ARMH3: variants seen among roughly 807,000 people sequenced by gnomAD.
The protein encoded by ARMH3 is armadillo like helical domain containing 3.
A neutral mutation model predicts 99.1 loss-of-function variants in ARMH3; 60 were observed. That is an observed-to-expected ratio of 0.61 (90% CI 0.49 to 0.75). The LOEUF is 0.75. Among genes scored for constraint, ARMH3 ranks in the 30% least tolerant of loss-of-function variants. The probability of loss-of-function intolerance (pLI) is 0.00; values close to 1 mark genes in which losing one functional copy is unlikely to be tolerated. For synonymous variants in ARMH3, 285 were observed against 292.8 expected (o/e 0.97, Z 0.27); for missense variants, 679 against 843.1 (o/e 0.81, Z 2.41).
chr10:101,875,952 T>C (rs1257539363), intron 24 of ARMH3, among the ~76,000 whole-genome samples: 1 of 152,120 alleles, frequency 6.6e-6, no homozygotes, highest in Non-Finnish European at 1.5e-5. Flanking sequence ...AATATCACAT[T>C]AGAACTTCTC....
intron 22 of ARMH3, among the ~76,000 whole-genome samples, chr10:101,954,238 A>C (rs1193502797): frequency 6.6e-6 from 1 of 152,238 alleles, no homozygotes; most frequent in East Asian, 1.9e-4. Flanking sequence ...ATAAGGTACA[A>C]GAATGTTAAC....
chr10:101,919,300 T>G (rs978688264), intron 23 of ARMH3, among the ~76,000 whole-genome samples: 2 of 152,156 alleles, frequency 1.3e-5, no homozygotes, highest in Non-Finnish European at 2.9e-5. Flanking sequence ...CTCACCAGTT[T>G]GAAGAACACC....
intron 15 of ARMH3, among the ~76,000 whole-genome samples, chr10:101,995,838 G>A (rs746939752): frequency 3.3e-5 from 5 of 152,298 alleles, no homozygotes; most frequent in South Asian, 4.1e-4. Context: ...TCCAGCCCAC[G>A]CTTCTCCTTG....
chr10:101,879,346 T>C (rs2067351947), intron 24 of ARMH3, among the ~76,000 whole-genome samples: 1 of 151,718 alleles, frequency 6.6e-6, no homozygotes, highest in Non-Finnish European at 1.5e-5. Flanking sequence ...CCAAATAATT[T>C]ACATAAGAAT....
intron 23 of ARMH3, among the ~76,000 whole-genome samples, chr10:101,930,815 G>T (rs1843692941): frequency 6.6e-6 from 1 of 152,026 alleles, no homozygotes; most frequent in South Asian, 2.1e-4. Context: ...TGCACAATCA[G>T]GACAACAAAT....
intron 19 of ARMH3, among the ~76,000 whole-genome samples, chr10:101,985,874 C>T (rs1590135824): frequency 6.6e-6 from 1 of 151,712 alleles, no homozygotes; most frequent in African/African-American, 2.4e-5. Flanking sequence ...AAAAATTAGC[C>T]GGGTGTGGTG....
At chr10:102,008,697 C>A (rs1039829518) in intron 13 of ARMH3, among the ~76,000 whole-genome samples, 6 of 151,916 alleles carry the variant, frequency 3.9e-5, no homozygotes, top group African/African-American at 1.4e-4. Flanking sequence ...GGACTACAGG[C>A]GTCCGCCACC....
At chr10:101,966,421 C>A (rs1005228949) in intron 20 of ARMH3, among the ~76,000 whole-genome samples, 1 of 150,730 alleles carries the variant, frequency 6.6e-6, no homozygotes, top group African/African-American at 2.4e-5. Flanking sequence ...GGATTACAGG[C>A]GCCCGCCACC....
At chr10:102,026,781 T>C (rs1001052828) in intron 5 of ARMH3, among the ~76,000 whole-genome samples, 7 of 152,208 alleles carry the variant, frequency 4.6e-5, no homozygotes, top group African/African-American at 1.4e-4. Flanking sequence ...AGGAAAGATG[T>C]ACACACTAGC....
chr10:101,939,507 T>C (rs1844140209), intron 23 of ARMH3, among the ~76,000 whole-genome samples: 1 of 152,124 alleles, frequency 6.6e-6, no homozygotes, highest in African/African-American at 2.4e-5. Flanking sequence ...ACATTCTAGA[T>C]CTCCATGAAT....
In ARMH3 at chr10:102,000,587, C is replaced by T. The variant is rs183814537; in HGVS notation, c.1150+1384G>A. Among the ~76,000 whole-genome samples, 835 of 113,410 alleles carry T rather than the reference C, an allele frequency of 7.4e-3. 44 individuals carry two copies. Among genetic ancestry groups the T allele is most frequent in the Non-Finnish European group, 0.013 (673 of 52,264 alleles). The allele number at this position is 113,410 out of a possible 152,430, so 74.4% of individuals were successfully genotyped here. ...CAGCCTGGGCAACATGGCGAAACCC[C>T]GTATCTACAAAAAATACACACACAA... On this transcript the variant is annotated intron_variant, in intron 15 of 25. Coordinates refer to ENST00000370033, the MANE Select transcript of ARMH3 (RefSeq NM_024541.3).
chr10:101,954,529 G>A (rs1440557347), intron 22 of ARMH3, among the ~76,000 whole-genome samples: 1 of 152,172 alleles, frequency 6.6e-6, no homozygotes, highest in Non-Finnish European at 1.5e-5. Flanking sequence ...GTTGTGCGTA[G>A]ACAAAGGAGG....
chr10:101,978,314 T>G (rs1846092464), intron 19 of ARMH3, among the ~76,000 whole-genome samples: 1 of 152,080 alleles, frequency 6.6e-6, no homozygotes, highest in Non-Finnish European at 1.5e-5. Context: ...ACACATCAAT[T>G]CCTCTAGCTA....
chr10:101,902,420 T>G (rs1411992967), intron 23 of ARMH3, among the ~76,000 whole-genome samples: 2 of 152,090 alleles, frequency 1.3e-5, no homozygotes, highest in African/African-American at 4.8e-5. Context: ...TCTAACTTAT[T>G]ATGGAGAAGA....
intron 2 of ARMH3, among the ~76,000 whole-genome samples, chr10:102,033,856 T>C (rs1229717791): frequency 6.6e-6 from 1 of 152,194 alleles, no homozygotes; most frequent in Non-Finnish European, 1.5e-5. Flanking sequence ...GCACCAAAAG[T>C]TAAATAATAG....
chr10:101,856,565 A>T (rs544688318), intron 24 of ARMH3, among the ~76,000 whole-genome samples: 1 of 145,540 alleles, frequency 6.9e-6, no homozygotes, highest in East Asian at 2.0e-4. Flanking sequence ...TCCTAATCAT[A>T]AAAAAAAAAA....
Position 102,036,024 on chromosome 10 carries a change from G to A in ARMH3, c.103-2685C>T, listed in dbSNP as rs555352812. Among the ~76,000 whole-genome samples the A allele has an allele frequency of 1.3e-4, 20 of 151,188 alleles. No homozygotes were observed. The South Asian group carries it at 2.5e-3, about 19-fold the overall frequency. On this transcript the variant is annotated intron_variant, in intron 2 of 25. Transcript: ENST00000370033. ...AGCACCTCTGCCCGGCCGCGACCCCGACTGGGAGGTGGGGAGCGTCTCCGC... is the reference window on the plus strand; with the variant it reads ...AGCACCTCTGCCCGGCCGCGACCCCAACTGGGAGGTGGGGAGCGTCTCCGC...
chr10:102,053,973 T>C (rs938657068), intron 1 of ARMH3, among the ~76,000 whole-genome samples: 1 of 152,214 alleles, frequency 6.6e-6, no homozygotes, highest in Non-Finnish European at 1.5e-5. Context: ...CACCCTTATA[T>C]ATCCTGGATC....
At chr10:101,891,150 A>G (rs2135450926) in intron 23 of ARMH3, among the ~76,000 whole-genome samples, 1 of 151,782 alleles carries the variant, frequency 6.6e-6, no homozygotes, top group East Asian at 1.9e-4. Context: ...CTGGGATTAC[A>G]GGCATGAGCC....
Sources: allele counts gnomAD v4.1 joint callset (sites outside exome capture counted in the v4.1 genomes callset), GRCh38; gene constraint gnomAD v4.1.1; transcripts MANE v1.5; gene names NCBI Gene and HGNC (gene_info 2026-07-23, HGNC 2026-07-21).